PHKB: variants seen among roughly 807,000 people sequenced by gnomAD.
PHKB encodes phosphorylase kinase regulatory subunit beta.
Under a neutral mutation model 152.1 loss-of-function variants are expected in PHKB, and 122 were observed. The ratio of observed to expected loss-of-function variants is 0.80; its 90% CI spans 0.69 to 0.93. The LOEUF is 0.93. PHKB is among the 40% of genes least tolerant of loss of function. The probability of loss-of-function intolerance (pLI) is 0.00; values close to 1 mark genes in which losing one functional copy is unlikely to be tolerated. For synonymous variants in PHKB, 436 were observed against 464.9 expected, an observed-to-expected ratio of 0.94 and a Z score of 0.80; for missense variants, 1,304 against 1,328.4, an observed-to-expected ratio of 0.98 and a Z score of 0.29.
At chr16:47,560,714 G>A (rs1326218125) in intron 7 of PHKB, among the ~76,000 whole-genome samples, 7 of 151,422 alleles carry the variant, frequency 4.6e-5, no homozygotes, top group Non-Finnish European at 1.0e-4. Context: ...CACATACAGA[G>A]GAATGAATCT....
At chr16:47,603,148 A>T (rs760261765) in intron 13 of PHKB, among the ~76,000 whole-genome samples, 1 of 152,212 alleles carries the variant, frequency 6.6e-6, no homozygotes, top group Non-Finnish European at 1.5e-5. Context: ...TATGTATATA[A>T]GGACATAAGA....
intron 7 of PHKB, among the ~76,000 whole-genome samples, chr16:47,569,099 T>C (rs1971615428): frequency 6.6e-6 from 1 of 152,184 alleles, no homozygotes; most frequent in Non-Finnish European, 1.5e-5. Context: ...GTGATCTATG[T>C]AGTGCTGTCA....
chr16:47,488,609 G>C (rs1970090823), intron 1 of PHKB, among the ~76,000 whole-genome samples: 1 of 152,084 alleles, frequency 6.6e-6, no homozygotes. Flanking sequence ...TCCACTATGA[G>C]CTGATTTTTA....
rs375250621 is a variant in PHKB, at chr16:47,693,364, G to C, written c.2766-14G>C. 3.7e-6 allele frequency: 6 copies of C among 1,613,642 alleles called. No individual in the cohort carries two copies. Among genetic ancestry groups the C allele is most frequent in the Non-Finnish European group, 5.1e-6 (6 of 1,179,782 alleles). ...CTTGTTCTTCAACTCTGAGACATTT[G>C]CCTTTTGTTACAGATGTTGGCTGAA... is the stretch of plus-strand genomic sequence containing the variant. On this transcript the variant is annotated splice_polypyrimidine_tract_variant and intron_variant, in intron 27 of 30. Coordinates refer to ENST00000323584, the MANE Select transcript of PHKB (RefSeq NM_000293.3).
In PHKB at chr16:47,689,457, C is replaced by G. The variant is rs148293598; in HGVS notation, c.2765+282C>G. Among the ~76,000 whole-genome samples, 874 of 152,246 alleles carry G rather than the reference C, an allele frequency of 5.7e-3. 7 individuals carry two copies. Among genetic ancestry groups the G allele is most frequent in the African/African-American group, 0.02 (832 of 41,526 alleles). ...TCTGTGCAAAATGTAACACCTCATA[C>G]CACTTTCTGAAGTCAGTTTCCTTTC... On this transcript the variant is annotated intron_variant, in intron 27 of 30. Transcript: ENST00000323584.
intron 20 of PHKB, among the ~76,000 whole-genome samples, chr16:47,660,262 T>G (rs1179362016): frequency 6.6e-6 from 1 of 152,256 alleles, no homozygotes; most frequent in Non-Finnish European, 1.5e-5. Flanking sequence ...GTCCATCTCA[T>G]GTTGACCTAT....
rs1486442404 is a variant in PHKB at position 47,700,973 on chromosome 16, T to C, written c.*1607T>C. The C allele has an allele frequency of 6.6e-6, 1 of 152,132 alleles. No individual in the cohort carries two copies. Among genetic ancestry groups the C allele is most frequent in the Non-Finnish European group, 1.5e-5 (1 of 68,026 alleles). 9.4% of individuals were successfully genotyped at this position (152,132 alleles called of 1,614,324 possible). Reference sequence around the variant, plus strand: ...TATTAGTTGGCAAAATTGAAATGAATGAGACACAGTTGGGCCCTAAAGAAC... The same window carrying C: ...TATTAGTTGGCAAAATTGAAATGAACGAGACACAGTTGGGCCCTAAAGAAC... On this transcript the variant is annotated 3_prime_UTR_variant, in exon 31 of 31. Coordinates refer to ENST00000323584, the MANE Select transcript of PHKB (RefSeq NM_000293.3).
At chr16:47,616,531 T>TATATAA (rs912650345) in intron 14 of PHKB, among the ~76,000 whole-genome samples, 1 of 145,968 alleles carries the variant, frequency 6.9e-6, no homozygotes, top group Non-Finnish European at 1.5e-5. Flanking sequence ...ATATTTATAA[T>TATATAA]ATATAAATAT....
chr16:47,691,749 G>C (rs552080360), intron 27 of PHKB, among the ~76,000 whole-genome samples: 1 of 151,466 alleles, frequency 6.6e-6, no homozygotes, highest in Non-Finnish European at 1.5e-5. Flanking sequence ...AGAGTATACA[G>C]GAACTTTATG....
chr16:47,489,572 A>G (rs1263301150), intron 1 of PHKB, among the ~76,000 whole-genome samples: 1 of 152,222 alleles, frequency 6.6e-6, no homozygotes, highest in East Asian at 1.9e-4. Context: ...GAGCCCAGCC[A>G]TGGGTTTGTA....
intron 14 of PHKB, among the ~76,000 whole-genome samples, chr16:47,628,005 A>C (rs1972741829): frequency 6.6e-6 from 1 of 152,218 alleles, no homozygotes; most frequent in African/African-American, 2.4e-5. Flanking sequence ...GGATGTTGGC[A>C]GGACCTACTG....
At chr16:47,557,896 G>A (rs556447194) in intron 7 of PHKB, among the ~76,000 whole-genome samples, 1 of 152,092 alleles carries the variant, frequency 6.6e-6, no homozygotes, top group African/African-American at 2.4e-5. Flanking sequence ...ATATTCCCAA[G>A]GAATTATAAA....
At chr16:47,577,717 C>T (rs988030853) in intron 7 of PHKB, among the ~76,000 whole-genome samples, 9 of 152,078 alleles carry the variant, frequency 5.9e-5, no homozygotes, top group Admixed American at 1.3e-4. Context: ...ATAAACAATC[C>T]GTTGTCATTC....
intron 14 of PHKB, 131 bp downstream of exon 14, chr16:47,611,051 G>T (rs1399931918): frequency 1.4e-6 from 1 of 702,890 alleles, no homozygotes; most frequent in Non-Finnish European, 2.6e-6. Flanking sequence ...CTTCTGGTTA[G>T]TTAAGATTTA....
intron 25 of PHKB, 151 bp downstream of exon 25, chr16:47,665,126 ATTGAC>A: frequency 1.5e-6 from 1 of 649,858 alleles, no homozygotes; most frequent in Non-Finnish European, 2.8e-6. Flanking sequence ...TTTATTAGTT[ATTGAC>A]TTAATTTTCT....
chr16:47,562,520 G>A (rs1193478232), intron 7 of PHKB: 1 of 152,250 alleles, frequency 6.6e-6, no homozygotes, highest in Non-Finnish European at 1.5e-5. Flanking sequence ...CTCCAGTGAT[G>A]TGGTTTTGTC....
chr16:47,472,894 C>T lies in PHKB; in HGVS notation c.76+11468C>T, dbSNP rs149577728. On this transcript the variant is annotated intron_variant, in intron 1 of 30. Coordinates refer to ENST00000323584, the MANE Select transcript of PHKB (RefSeq NM_000293.3). ...GGTTGAGGCTACAGTGAGGTCGCAC[C>T]ACTGCACTCCAGCCTGGGTGACAGA... 5.7e-3 allele frequency among the ~76,000 whole-genome samples: 872 copies of T among 152,138 alleles called. 7 individuals carry two copies. The highest frequency in any genetic ancestry group is 0.02 in the African/African-American group (830 of 41,520).
At chr16:47,658,888 A>T (rs1393201131) in intron 20 of PHKB, among the ~76,000 whole-genome samples, 1 of 151,392 alleles carries the variant, frequency 6.6e-6, no homozygotes, top group Admixed American at 6.6e-5. Context: ...CATACCTATA[A>T]GAACAGTTTC....
intron 26 of PHKB, among the ~76,000 whole-genome samples, chr16:47,673,143 T>A (rs1338980166): frequency 2.1e-5 from 3 of 141,220 alleles, no homozygotes; most frequent in African/African-American, 5.1e-5. Context: ...TTTTTTTTTT[T>A]ATTAAGGAGT....
Sources: allele counts gnomAD v4.1 joint callset (sites outside exome capture counted in the v4.1 genomes callset), GRCh38; gene constraint gnomAD v4.1.1; transcripts MANE v1.5; gene names NCBI Gene and HGNC (gene_info 2026-07-23, HGNC 2026-07-21).